Variants in APPBP2 observed in about 807,000 individuals in gnomAD.
APPBP2 encodes the protein amyloid beta precursor protein binding protein 2.
A neutral mutation model predicts 76.0 loss-of-function variants in APPBP2; 15 were observed. That is an observed-to-expected ratio of 0.20 (90% CI 0.13 to 0.30). The LOEUF (loss-of-function observed/expected upper bound fraction) is 0.30, where lower values mean the gene tolerates loss of function less well. Ranked by LOEUF, APPBP2 falls within the 10% of genes least tolerant of loss-of-function variation. The probability of loss-of-function intolerance (pLI) is 1.00; values close to 1 mark genes in which losing one functional copy is unlikely to be tolerated. For synonymous variants in APPBP2, 222 were observed against 242.2 expected (o/e 0.92, Z 0.77); for missense variants, 401 against 687.2 (o/e 0.58, Z 4.66).
intron 1 of APPBP2, among the ~76,000 whole-genome samples, chr17:60,523,486 T>G (rs973292758): frequency 2.0e-5 from 3 of 151,958 alleles, no homozygotes; most frequent in Admixed American, 6.6e-5. Context: ...CAGAGCAAGA[T>G]CCTGTCTCCA....
chr17:60,504,760 C>A (rs183458814), intron 1 of APPBP2, among the ~76,000 whole-genome samples: 1 of 152,084 alleles, frequency 6.6e-6, no homozygotes, highest in Non-Finnish European at 1.5e-5. Context: ...GCTGATATTG[C>A]GCACTGCACT....
intron 3 of APPBP2, among the ~76,000 whole-genome samples, chr17:60,487,165 G>C (rs1478724689): frequency 6.6e-6 from 1 of 152,062 alleles, no homozygotes; most frequent in East Asian, 1.9e-4. Flanking sequence ...TCTGACAATT[G>C]TGTGTCTTGG....
intron 3 of APPBP2, among the ~76,000 whole-genome samples, chr17:60,487,979 T>C (rs1048077254): frequency 2.0e-5 from 3 of 152,254 alleles, no homozygotes; most frequent in African/African-American, 7.2e-5. Flanking sequence ...GTTGGGAGTT[T>C]GCAGGAGGTC....
intron 3 of APPBP2, among the ~76,000 whole-genome samples, chr17:60,490,364 C>A (rs1002368836): frequency 2.0e-5 from 3 of 152,114 alleles, no homozygotes; most frequent in Non-Finnish European, 4.4e-5. Context: ...TATGAATCTA[C>A]AGTCACTTCA....
At chr17:60,463,888 C>T (rs1287265792) in intron 6 of APPBP2, 133 bp downstream of exon 6, 3 of 558,266 alleles carry the variant, frequency 5.4e-6, no homozygotes, top group African/African-American at 3.9e-5. Flanking sequence ...AAAATGAGCA[C>T]AGAAACTTAT....
chr17:60,456,462 A>C, intron 9 of APPBP2, 81 bp from the exon 10 acceptor site: 2 of 873,618 alleles, frequency 2.3e-6, no homozygotes, highest in South Asian at 2.9e-5. Flanking sequence ...AATCTGTAAT[A>C]TAATATTGAT....
intron 4 of APPBP2, among the ~76,000 whole-genome samples, chr17:60,476,370 T>C (rs2090591190): frequency 6.6e-6 from 1 of 152,202 alleles, no homozygotes; most frequent in Non-Finnish European, 1.5e-5. Context: ...ATTTGATTAG[T>C]ATCTGTTGTG....
chr17:60,506,578 C>T (rs1446079732), intron 1 of APPBP2, among the ~76,000 whole-genome samples: 3 of 152,124 alleles, frequency 2.0e-5, no homozygotes, highest in Non-Finnish European at 2.9e-5. Context: ...TTTTTACCTC[C>T]ACAGTAGCAT....
chr17:60,526,127 T>G lies in APPBP2; in HGVS notation c.-196A>C, dbSNP rs553842927. On this transcript the variant is annotated 5_prime_UTR_variant, in exon 1 of 13. Coordinates refer to ENST00000083182, the MANE Select transcript of APPBP2 (RefSeq NM_006380.5). ...CGGCGGCAGCGGACGCAGGCCCGAG[T>G]AAAAAGTGGGACAGAAAACAGCGGC... is the stretch of plus-strand genomic sequence containing the variant. 2.2e-5 allele frequency: 13 copies of G among 589,098 alleles called. No homozygotes were observed. Among genetic ancestry groups the G allele is most frequent in the South Asian group, 2.2e-4 (11 of 50,268 alleles). 36.5% of individuals were successfully genotyped at this position (589,098 alleles called of 1,614,324 possible).
intron 4 of APPBP2, among the ~76,000 whole-genome samples, chr17:60,476,723 A>G (rs891357390): frequency 1.3e-5 from 2 of 152,148 alleles, no homozygotes; most frequent in Non-Finnish European, 2.9e-5. Flanking sequence ...AAAGACAGCT[A>G]GTTCTGAATT....
chr17:60,450,908 T>A (rs2090389898), intron 12 of APPBP2, among the ~76,000 whole-genome samples: 1 of 152,218 alleles, frequency 6.6e-6, no homozygotes, highest in Non-Finnish European at 1.5e-5. Flanking sequence ...CATATTCATA[T>A]CATATAAAGA....
In APPBP2 at chr17:60,526,053, A is replaced by G; in HGVS notation, c.-122T>C. ...GGGGCGGTGGCAGCCACGCGGGCGC[A>G]CGGCAGAAGGCACGGCCGCCCTGCC... On this transcript the variant is annotated 5_prime_UTR_variant, in exon 1 of 13. Coordinates refer to ENST00000083182, the MANE Select transcript of APPBP2 (RefSeq NM_006380.5). 4 of 1,005,916 alleles carry G rather than the reference A, an allele frequency of 4.0e-6. No individual in the cohort carries two copies. The highest frequency in any genetic ancestry group is 6.5e-4 in the Middle Eastern group (2 of 3,098). The allele number at this position is 1,005,916 out of a possible 1,614,324, so 62.3% of individuals were successfully genotyped here.
In APPBP2 at chr17:60,461,994, C is replaced by T. The variant is rs375282093; in HGVS notation, c.830G>A (p.Arg277Gln). The change falls in exon 7 of 13, where the codon CGG becomes CAG. Residue 277 changes from arginine (R) to glutamine (Q), a missense_variant and splice_region_variant. Arg to Gln is a conservative substitution (Grantham distance 43). This residue lies in a region of APPBP2 where 130 missense variants were observed against 322.7 expected (regional missense o/e 0.40). Transcript: ENST00000083182. ...GATATTTTTAATAATAATCACCTAC[C>T]GTGCCAAATACACTGCATGTTTAAT... is the stretch of plus-strand genomic sequence containing the variant. The part of the protein sequence containing the change: ...QLIKHAVYLA[R>Q]DHFGSKHPKY... The T allele has an allele frequency of 6.2e-7, 1 of 1,612,290 alleles. No individual in the cohort carries two copies. The highest frequency in any genetic ancestry group is 1.7e-5 in the Admixed American group (1 of 59,992).
chr17:60,449,730 TATAA>T (rs1370194228), intron 12 of APPBP2, among the ~76,000 whole-genome samples: 19 of 152,318 alleles, frequency 1.2e-4, no homozygotes, highest in Admixed American at 4.6e-4. Flanking sequence ...TAGATCTAAA[TATAA>T]ATAAAGTTTC....
chr17:60,509,575 G>A (rs900730087), intron 1 of APPBP2, among the ~76,000 whole-genome samples: 1 of 152,126 alleles, frequency 6.6e-6, no homozygotes, highest in African/African-American at 2.4e-5. Context: ...GGCCTAGGCA[G>A]GCGGATCACC....
At chr17:60,483,183 G>GATGA (rs1474342042) in intron 3 of APPBP2, among the ~76,000 whole-genome samples, 1 of 152,170 alleles carries the variant, frequency 6.6e-6, no homozygotes, top group Admixed American at 6.5e-5. Context: ...GACCAGTGAT[G>GATGA]ATGAGTATTT....
chr17:60,460,356 G>A (rs1258914958), intron 9 of APPBP2: 2 of 173,048 alleles, frequency 1.2e-5, no homozygotes, highest in Non-Finnish European at 1.2e-5. Flanking sequence ...GCACCAAAAC[G>A]TCCATCTAGT....
intron 3 of APPBP2, among the ~76,000 whole-genome samples, chr17:60,484,160 G>A (rs1192590084): frequency 6.6e-6 from 1 of 152,156 alleles, no homozygotes; most frequent in African/African-American, 2.4e-5. Flanking sequence ...GTCAGGTAGT[G>A]TGATGCCTCC....
chr17:60,481,815 T>C (rs1333285364), intron 3 of APPBP2, among the ~76,000 whole-genome samples: 1 of 152,218 alleles, frequency 6.6e-6, no homozygotes. Flanking sequence ...ACAATGACCA[T>C]TTGTGCTTGA....
Sources: gnomAD v4.1 joint callset for allele counts (sites outside exome capture counted in the v4.1 genomes callset) on GRCh38, gnomAD v4.1.1 for gene constraint, gnomAD v4.1.1 regional missense constraint, MANE v1.5 for transcripts, NCBI Gene and HGNC (gene_info 2026-07-23, HGNC 2026-07-21) for gene names.